DNAJB9: variants seen among roughly 807,000 people sequenced by gnomAD.
DNAJB9 encodes DnaJ heat shock protein family (Hsp40) member B9.
A neutral mutation model predicts 19.2 loss-of-function variants in DNAJB9; 12 were observed. The ratio of observed to expected loss-of-function variants is 0.62; its 90% CI spans 0.40 to 1.01. The LOEUF (loss-of-function observed/expected upper bound fraction) is 1.01, where lower values mean the gene tolerates loss of function less well. DNAJB9 is among the 50% of genes least tolerant of loss of function. The pLI is 0.00. For missense variants in DNAJB9, 272 were observed against 261.1 expected (o/e 1.04, Z -0.29); for synonymous variants, 83 against 84.0 (o/e 0.99, Z 0.07).
At chr7:108,571,137 A>G (rs1584292932) in intron 1 of DNAJB9, among the ~76,000 whole-genome samples, 1 of 152,170 alleles carries the variant, frequency 6.6e-6, no homozygotes, top group Non-Finnish European at 1.5e-5. Flanking sequence ...GAAAAAGACA[A>G]CATTCTATTG....
At position 108,573,802 on chromosome 7, in the gene DNAJB9, A is replaced by G. The variant is rs1291649357; in HGVS notation, c.*449A>G. On this transcript the variant is annotated 3_prime_UTR_variant, in exon 3 of 3. Transcript: ENST00000249356. Reference sequence around the variant, plus strand: ...CGTTGCAGAGTGTACATGAAACTGTATAATTGAGTCATTCAGTAAAGGAGA... The same window carrying G: ...CGTTGCAGAGTGTACATGAAACTGTGTAATTGAGTCATTCAGTAAAGGAGA... 6.5e-6 allele frequency: 1 copy of G among 153,686 alleles called. No individual in the cohort carries two copies. The highest frequency in any genetic ancestry group is 1.5e-5 in the Non-Finnish European group (1 of 68,796). The allele number at this position is 153,686 out of a possible 1,614,324, so 9.5% of individuals were successfully genotyped here. A position where few individuals can be genotyped will look rare whatever the true frequency, so the allele number is the denominator to read the frequency against.
In DNAJB9 at chr7:108,573,272, T is replaced by C. The variant is rs759852271; in HGVS notation, c.591T>C (p.His197=). The stretch of plus-strand genomic sequence containing the variant: ...CAGTACAGACTGAAAATAGATTTCA[T>C]GGATCTAGCAAGCACTGCAGGACTG... The part of the protein sequence containing the change: ...QHTVQTENRF[H]GSSKHCRTVT... The change falls in exon 3 of 3, where the codon CAT becomes CAC. Residue 197 remains histidine, a synonymous_variant. Transcript: ENST00000249356. 3 of 1,613,840 alleles carry C rather than the reference T, an allele frequency of 1.9e-6. No homozygotes were observed. The South Asian group carries it at 3.3e-5, about 18-fold the overall frequency.
Position 108,571,737 on chromosome 7 carries a change from C to A in DNAJB9, c.11C>A (p.Pro4His). Residue 4 changes from proline to histidine, a missense_variant, in exon 2 of 3, where the codon CCC becomes CAC. Pro to His is a moderately conservative substitution (Grantham distance 77). Coordinates refer to ENST00000249356, the MANE Select transcript of DNAJB9 (RefSeq NM_012328.3). ...TTTAGGATATTAGAAATGGCTACTC[C>A]CCAGTCAATTTTCATCTTTGCAATC... MAT[P>H]QSIFIFAICI... 1 of 1,613,376 alleles carries A rather than the reference C, an allele frequency of 6.2e-7. No homozygotes were observed. The highest frequency in any genetic ancestry group is 1.1e-5 in the South Asian group (1 of 90,946).
chr7:108,571,554 A>C (rs1197750123), intron 1 of DNAJB9, among the ~76,000 whole-genome samples, 163 bp from the exon 2 acceptor site: 3 of 152,200 alleles, frequency 2.0e-5, no homozygotes, highest in African/African-American at 7.2e-5. Context: ...CCAGTTTGAG[A>C]GTTATAAAAC....
intron 1 of DNAJB9, among the ~76,000 whole-genome samples, chr7:108,570,459 G>A (rs2154518238): frequency 6.6e-6 from 1 of 152,166 alleles, no homozygotes; most frequent in South Asian, 2.1e-4. Context: ...GGCTGGCGGG[G>A]CCGTCTTGGG....
rs1790664647 is a variant in DNAJB9 at position 108,574,017 on chromosome 7, C to G, written c.*664C>G. 1 of 152,478 alleles carries G rather than the reference C, an allele frequency of 6.6e-6. No homozygotes were observed. Among genetic ancestry groups the G allele is most frequent in the African/African-American group, 2.4e-5 (1 of 41,424 alleles). The allele number at this position is 152,478 out of a possible 1,614,324, so 9.4% of individuals were successfully genotyped here. A position where few individuals can be genotyped will look rare whatever the true frequency, so the allele number is the denominator to read the frequency against. On this transcript the variant is annotated 3_prime_UTR_variant, in exon 3 of 3. Transcript: ENST00000249356. ...GAGATTGTTATGTGTTTGGTTCCAG[C>G]CTAAAAATGATTTTGTAGTGTTGAA... is the stretch of plus-strand genomic sequence containing the variant.
chr7:108,571,943 GGTA>G lies in DNAJB9; in HGVS notation c.217+1_217+3del. On this transcript the variant is annotated splice_donor_variant and splice_donor_region_variant and intron_variant, in intron 2 of 2. Coordinates refer to ENST00000249356, the MANE Select transcript of DNAJB9 (RefSeq NM_012328.3). LOFTEE classifies it high-confidence loss of function. ...AGCAAAATTCAGAGAGATTGCAGAA[GGTA>G]AATAAATGACAATCTCTGAAGTGTC... is the stretch of plus-strand genomic sequence containing the variant. The G allele has an allele frequency of 6.2e-7, 1 of 1,613,444 alleles. No homozygotes were observed. The highest frequency in any genetic ancestry group is 1.3e-5 in the African/African-American group (1 of 74,984).
rs1183629015 is a variant in DNAJB9 at position 108,573,085 on chromosome 7, A to G, written c.404A>G (p.Lys135Arg). The G allele has an allele frequency of 6.2e-7, 1 of 1,614,130 alleles. No homozygotes were observed. Among genetic ancestry groups the G allele is most frequent in the Admixed American group, 1.7e-5 (1 of 60,022 alleles). The change falls in exon 3 of 3, where the codon AAG (lysine) becomes AGG (arginine). Residue 135 changes from lysine (K) to arginine (R), a missense_variant. Lys to Arg is a conservative substitution (Grantham distance 26). Transcript: ENST00000249356. ...CAAAACCAAAACACTGGATCCAAGAAGCGTTTTGAAAATCATTTCCAGACA... is the reference window on the plus strand; with the variant it reads ...CAAAACCAAAACACTGGATCCAAGAGGCGTTTTGAAAATCATTTCCAGACA... ...FGQNQNTGSK[K>R]RFENHFQTRQ...
intron 2 of DNAJB9, among the ~76,000 whole-genome samples, chr7:108,572,400 A>G (rs2154518274): frequency 6.6e-6 from 1 of 152,358 alleles, no homozygotes; most frequent in Middle Eastern, 3.4e-3. Flanking sequence ...TTTTGACTTC[A>G]GACTAGCTCT....
At chr7:108,571,665 A>C in intron 1 of DNAJB9, 52 bp from the exon 2 acceptor site, 2 of 1,475,936 alleles carry the variant, frequency 1.4e-6, no homozygotes, top group South Asian at 2.5e-5. Flanking sequence ...TAAAAGAAAA[A>C]CGTTTTAAGA....
Position 108,573,491 on chromosome 7 carries a change from A to AC in DNAJB9, c.*138_*139insC. 1 of 536,696 alleles carries AC rather than the reference A, an allele frequency of 1.9e-6. No homozygotes were observed. Among genetic ancestry groups the AC allele is most frequent in the Non-Finnish European group, 2.9e-6 (1 of 346,132 alleles). The allele number at this position is 536,696 out of a possible 1,614,324, so 33.2% of individuals were successfully genotyped here. On this transcript the variant is annotated 3_prime_UTR_variant, in exon 3 of 3. Transcript: ENST00000249356. ...TTGATATAGCTATTAAATATATTTA[A>AC]GGGTTTTTTTTTTTTGACAAATTCA... is the stretch of plus-strand genomic sequence containing the variant.
rs1396265365 is a variant in DNAJB9 at position 108,573,498 on chromosome 7, T to C, written c.*145T>C. On this transcript the variant is annotated 3_prime_UTR_variant, in exon 3 of 3. Coordinates refer to ENST00000249356, the MANE Select transcript of DNAJB9 (RefSeq NM_012328.3). Reference sequence around the variant, plus strand: ...AGCTATTAAATATATTTAAGGGTTTTTTTTTTTTGACAAATTCAACATTCA... The same window carrying C: ...AGCTATTAAATATATTTAAGGGTTTCTTTTTTTTGACAAATTCAACATTCA... 1 of 504,150 alleles carries C rather than the reference T, an allele frequency of 2.0e-6. No homozygotes were observed. The highest frequency in any genetic ancestry group is 3.4e-5 in the East Asian group (1 of 29,338). The allele number at this position is 504,150 out of a possible 1,614,324, so 31.2% of individuals were successfully genotyped here. A position where few individuals can be genotyped will look rare whatever the true frequency, so the allele number is the denominator to read the frequency against.
chr7:108,570,642 CTG>C (rs745374463), intron 1 of DNAJB9, among the ~76,000 whole-genome samples: 41 of 152,204 alleles, frequency 2.7e-4, no homozygotes, highest in Non-Finnish European at 5.0e-4. Context: ...ATGGGACACA[CTG>C]TTGTGTTCCT....
chr7:108,572,484 A>AACAGTTTACTTT (rs1790634211), intron 2 of DNAJB9, among the ~76,000 whole-genome samples: 1 of 152,158 alleles, frequency 6.6e-6, no homozygotes, highest in Admixed American at 6.5e-5. Flanking sequence ...GTTAGAATTA[A>AACAGTTTACTTT]ACAGTTTACT....
chr7:108,572,484 A>G (rs55657836), intron 2 of DNAJB9, among the ~76,000 whole-genome samples: 6,817 of 152,260 alleles, frequency 0.045, 483 homozygotes, highest in African/African-American at 0.15. Flanking sequence ...GTTAGAATTA[A>G]ACAGTTTACT....
chr7:108,574,541 TG>T lies in DNAJB9; in HGVS notation c.*1189del, dbSNP rs1175438856. ...ACCAACCTGAAAACTGATAGGATTT[TG>T]TTTGTCATTTGGTAATTTCTACTGC... is the stretch of plus-strand genomic sequence containing the variant. On this transcript the variant is annotated 3_prime_UTR_variant, in exon 3 of 3. Transcript: ENST00000249356. The T allele has an allele frequency of 2.6e-5, 4 of 152,312 alleles. No individual in the cohort carries two copies. In the South Asian group the frequency reaches 8.3e-4, roughly 32 times the overall value. 9.4% of individuals were successfully genotyped at this position (152,312 alleles called of 1,614,324 possible). A position where few individuals can be genotyped will look rare whatever the true frequency, so the allele number is the denominator to read the frequency against.
Position 108,571,960 on chromosome 7 carries a change from C to T in DNAJB9, c.217+17C>T. The T allele has an allele frequency of 1.2e-6, 2 of 1,608,068 alleles. No individual in the cohort carries two copies. Among genetic ancestry groups the T allele is most frequent in the South Asian group, 2.2e-5 (2 of 90,936 alleles). ...TTGCAGAAGGTAAATAAATGACAAT[C>T]TCTGAAGTGTCATGGGTATTAACTA... is the stretch of plus-strand genomic sequence containing the variant. On this transcript the variant is annotated intron_variant, in intron 2 of 2. Coordinates refer to ENST00000249356, the MANE Select transcript of DNAJB9 (RefSeq NM_012328.3).
chr7:108,571,915 T>C lies in DNAJB9; in HGVS notation c.189T>C (p.Ala63=), dbSNP rs998248518. 2 of 1,614,024 alleles carry C rather than the reference T, an allele frequency of 1.2e-6. No individual in the cohort carries two copies. The highest frequency in any genetic ancestry group is 1.7e-5 in the Admixed American group (1 of 59,992). Reference sequence around the variant, plus strand: ...CTGACAAAAATAAGAGCCCGGATGCTGAAGCAAAATTCAGAGAGATTGCAG... The same window carrying C: ...CTGACAAAAATAAGAGCCCGGATGCCGAAGCAAAATTCAGAGAGATTGCAG... The part of the protein sequence containing the change: ...YHPDKNKSPD[A]EAKFREIAEA... Residue 63 remains alanine (A), a synonymous_variant, in exon 2 of 3, where the codon GCT becomes GCC. Coordinates refer to ENST00000249356, the MANE Select transcript of DNAJB9 (RefSeq NM_012328.3).
intron 2 of DNAJB9, 145 bp from the exon 3 acceptor site, chr7:108,572,754 A>T: frequency 1.6e-6 from 1 of 638,730 alleles, no homozygotes; most frequent in South Asian, 2.3e-5. Context: ...CTTGATGCTT[A>T]TATTTGTAGT....
Sources: gnomAD v4.1 joint callset for allele counts (sites outside exome capture counted in the v4.1 genomes callset) on GRCh38, gnomAD v4.1.1 for gene constraint, MANE v1.5 for transcripts, NCBI Gene and HGNC (gene_info 2026-07-23, HGNC 2026-07-21) for gene names.